Variants in EIF3B observed in about 807,000 individuals in gnomAD.
The protein encoded by EIF3B is eukaryotic translation initiation factor 3 subunit 9.
EIF3B carries 10 observed loss-of-function variants against 104.6 expected under a neutral mutation model. The ratio of observed to expected loss-of-function variants is 0.10; its 90% CI spans 0.06 to 0.16. EIF3B has a LOEUF of 0.16. Ranked by LOEUF, EIF3B falls within the 10% of genes least tolerant of loss-of-function variation. The pLI, the probability that EIF3B is intolerant of heterozygous loss-of-function variation, is 1.00. For synonymous variants in EIF3B, 542 were observed against 417.2 expected (o/e 1.30, Z -3.65); for missense variants, 1,014 against 1,087.9 (o/e 0.93, Z 0.96).
chr7:2,362,752 C>A lies in EIF3B; in HGVS notation c.800C>A (p.Thr267Lys). ...CACACATTCCGGGTCAACCTCTTTA[C>A]GGATTTTGACAAGTGAGTTCAGACT... ...KQHTFRVNLF[T>K]DFDKYMTISD... Residue 267 changes from threonine to lysine, a missense_variant, in exon 3 of 19, where the codon ACG becomes AAG. Transcript: ENST00000360876. 1 of 1,614,148 alleles carries A rather than the reference C, an allele frequency of 6.2e-7. No homozygotes were observed. The highest frequency in any genetic ancestry group is 8.5e-7 in the Non-Finnish European group (1 of 1,180,046).
intron 1 of EIF3B, among the ~76,000 whole-genome samples, chr7:2,358,418 C>T (rs753911081): frequency 2.0e-5 from 3 of 151,824 alleles, no homozygotes; most frequent in Admixed American, 6.6e-5. Flanking sequence ...TTTTTTGAGA[C>T]GGAGTCTTGC....
chr7:2,365,506 G>C (rs1779959909), intron 6 of EIF3B, among the ~76,000 whole-genome samples: 1 of 152,180 alleles, frequency 6.6e-6, no homozygotes, highest in Non-Finnish European at 1.5e-5. Context: ...GGGACCGTCT[G>C]TTACACACTT....
chr7:2,354,624 T>A (rs570427787), upstream of EIF3B, among the ~76,000 whole-genome samples: 28 of 152,240 alleles, frequency 1.8e-4, no homozygotes, highest in African/African-American at 6.3e-4. Context: ...CATGGGGTGG[T>A]CAATGCTCCC....
chr7:2,358,921 T>A (rs931296415), intron 1 of EIF3B, among the ~76,000 whole-genome samples: 5 of 152,126 alleles, frequency 3.3e-5, no homozygotes, highest in African/African-American at 1.2e-4. Context: ...AAGAAAAAAA[T>A]ACTGTTATTT....
intron 1 of EIF3B, among the ~76,000 whole-genome samples, chr7:2,355,686 C>A (rs1226897008): frequency 6.6e-6 from 1 of 152,118 alleles, no homozygotes; most frequent in Non-Finnish European, 1.5e-5. Context: ...AACCAGAAAT[C>A]TGAGAGGGTG....
rs1008223868 is a variant in EIF3B, at chr7:2,355,023, G to T, written c.102G>T (p.Leu34=). The part of the protein sequence containing the change: ...PAAEPPPAEG[L]LRPAGPGAPE... ...CCGAGCCGCCGCCAGCCGAGGGGCTGCTGCGGCCCGCGGGGCCCGGCGCTC... is the reference window on the plus strand; with the variant it reads ...CCGAGCCGCCGCCAGCCGAGGGGCTTCTGCGGCCCGCGGGGCCCGGCGCTC... Residue 34 remains leucine, a synonymous_variant, in exon 1 of 19, where the codon CTG becomes CTT. Coordinates refer to ENST00000360876, the MANE Select transcript of EIF3B (RefSeq NM_001037283.2). 8.4e-7 allele frequency: 1 copy of T among 1,186,862 alleles called. No individual in the cohort carries two copies. The highest frequency in any genetic ancestry group is 1.0e-6 in the Non-Finnish European group (1 of 960,366). 73.5% of individuals were successfully genotyped at this position (1,186,862 alleles called of 1,614,324 possible). A position where few individuals can be genotyped will look rare whatever the true frequency, so the allele number is the denominator to read the frequency against.
chr7:2,355,059 G>C lies in EIF3B; in HGVS notation c.138G>C (p.Ala46=). The C allele has an allele frequency of 8.1e-7, 1 of 1,229,060 alleles. No individual in the cohort carries two copies. Among genetic ancestry groups the C allele is most frequent in the Non-Finnish European group, 1.0e-6 (1 of 985,844 alleles). 76.1% of individuals were successfully genotyped at this position (1,229,060 alleles called of 1,614,324 possible). A position where few individuals can be genotyped will look rare whatever the true frequency, so the allele number is the denominator to read the frequency against. Residue 46 remains alanine (A), a synonymous_variant, in exon 1 of 19, where the codon GCG becomes GCC. Transcript: ENST00000360876. ...RPAGPGAPEA[A]GTEASSEEVG... is the part of the protein sequence containing the mutation. ...CGGGGCCCGGCGCTCCGGAGGCCGC[G>C]GGGACCGAGGCCTCCAGTGAGGAGG...
At chr7:2,369,397 G>A (rs540619191) in intron 9 of EIF3B, 75 bp from the exon 10 acceptor site, 418 of 1,481,674 alleles carry the variant, frequency 2.8e-4, no homozygotes, top group Non-Finnish European at 3.8e-4. Flanking sequence ...CAAATGAGTT[G>A]TTCTATTCTC....
chr7:2,379,733 G>A, intron 18 of EIF3B: 1 of 533,220 alleles, frequency 1.9e-6, no homozygotes, highest in Admixed American at 3.3e-5. Context: ...CTTTCAGGCA[G>A]TGCTGGGTGA....
At position 2,380,344 on chromosome 7, in the gene EIF3B, C is replaced by A. The variant is rs780284927; in HGVS notation, c.*155C>A. 5.8e-6 allele frequency: 3 copies of A among 518,784 alleles called. No homozygotes were observed. The highest frequency in any genetic ancestry group is 4.2e-5 in the South Asian group (3 of 71,520). 32.1% of individuals were successfully genotyped at this position (518,784 alleles called of 1,614,324 possible). A position where few individuals can be genotyped will look rare whatever the true frequency, so the allele number is the denominator to read the frequency against. ...AAGCCGCGTGACTCCCGCCTCCTCC[C>A]TGTGCTCTCTGGCTCTGGACTGTGA... On this transcript the variant is annotated 3_prime_UTR_variant, in exon 19 of 19. Transcript: ENST00000360876.
At chr7:2,372,908 A>T in intron 12 of EIF3B, 113 bp downstream of exon 12, 1 of 1,241,104 alleles carries the variant, frequency 8.1e-7, no homozygotes, top group Non-Finnish European at 1.1e-6. Context: ...GCAGGCCGGG[A>T]CTCGCCTATG....
chr7:2,360,591 A>T, intron 1 of EIF3B, 119 bp from the exon 2 acceptor site: 1 of 800,520 alleles, frequency 1.2e-6, no homozygotes, highest in Non-Finnish European at 1.9e-6. Flanking sequence ...TCTTTTGCTC[A>T]CAGTGAAAGC....
At chr7:2,355,492 G>A (rs1779364772) in intron 1 of EIF3B, 72 bp downstream of exon 1, 1 of 1,395,402 alleles carries the variant, frequency 7.2e-7, no homozygotes, top group Admixed American at 3.1e-5. Context: ...GGGAGATATC[G>A]TCGGGCTGTG....
chr7:2,355,235 GCGAGGC>G lies in EIF3B; in HGVS notation c.316_321del (p.Glu106_Ala107del). ...GCTGAGCCCCCTGTCCCGGCACAGG[GCGAGGC>G]CCCAGGAGAGCAGGCTCGGGACGAG... is the stretch of plus-strand genomic sequence containing the variant. On this transcript the variant is annotated inframe_deletion, in exon 1 of 19. Transcript: ENST00000360876. 6.6e-7 allele frequency: 1 copy of G among 1,512,992 alleles called. No individual in the cohort carries two copies. The highest frequency in any genetic ancestry group is 8.8e-7 in the Non-Finnish European group (1 of 1,138,410). 93.7% of individuals were successfully genotyped at this position (1,512,992 alleles called of 1,614,324 possible). A position where few individuals can be genotyped will look rare whatever the true frequency, so the allele number is the denominator to read the frequency against.
intron 15 of EIF3B, among the ~76,000 whole-genome samples, chr7:2,377,651 G>C (rs1398552917): frequency 9.5e-6 from 1 of 105,202 alleles, no homozygotes; most frequent in Admixed American, 8.3e-5. Flanking sequence ...GAATGACCCT[G>C]GGTGTCAAGG....
rs749705803 is a variant in EIF3B, at chr7:2,377,061, C to G, written c.2140C>G (p.Gln714Glu). 6.2e-6 allele frequency: 10 copies of G among 1,612,186 alleles called. No homozygotes were observed. Among genetic ancestry groups the G allele is most frequent in the Middle Eastern group, 1.6e-4 (1 of 6,076 alleles). The stretch of plus-strand genomic sequence containing the variant: ...GCCCCGGCCTCCCACACTCCTGAGC[C>G]AGGAACAGATCAAGGTCAGCATGCC... Reference protein sequence around the residue: ...WRPRPPTLLSQEQIKQIKKDL... With the variant: ...WRPRPPTLLSEEQIKQIKKDL... Residue 714 changes from glutamine (Q) to glutamate (E), a missense_variant, in exon 15 of 19, where the codon CAG becomes GAG. Transcript: ENST00000360876.
At chr7:2,376,662 C>T (rs1012866535) in intron 14 of EIF3B, 1 of 376,422 alleles carries the variant, frequency 2.7e-6, no homozygotes, top group Admixed American at 4.5e-5. Context: ...AGTAGTGAGG[C>T]AGTTAGCTTA....
At position 2,371,697 on chromosome 7, in the gene EIF3B, T is replaced by C; in HGVS notation, c.1615-80T>C. 3.6e-6 allele frequency: 4 copies of C among 1,121,514 alleles called. No individual in the cohort carries two copies. The South Asian group carries it at 3.8e-5, about 11-fold the overall frequency. The allele number at this position is 1,121,514 out of a possible 1,614,324, so 69.5% of individuals were successfully genotyped here. On this transcript the variant is annotated intron_variant, in intron 10 of 18. Coordinates refer to ENST00000360876, the MANE Select transcript of EIF3B (RefSeq NM_001037283.2). ...GGCATGCACACTGAATCTTTCATTG[T>C]GACGTTGATCTTTGATTTAAACCTT...
chr7:2,374,844 G>A, intron 13 of EIF3B: 1 of 438,200 alleles, frequency 2.3e-6, no homozygotes, highest in South Asian at 5.9e-5. Context: ...GAAGTGACCA[G>A]GCAGACCTGT....
Sources: gnomAD v4.1 joint callset for allele counts (sites outside exome capture counted in the v4.1 genomes callset) on GRCh38, gnomAD v4.1.1 for gene constraint, MANE v1.5 for transcripts, NCBI Gene and HGNC (gene_info 2026-07-23, HGNC 2026-07-21) for gene names.